Variants in ENPEP observed in about 807,000 individuals in gnomAD.
ENPEP encodes the protein glutamyl aminopeptidase.
In ENPEP, 103 loss-of-function variants were observed where a neutral mutation model predicts 114.5. That is an observed-to-expected ratio of 0.90 (90% CI 0.77 to 1.06). ENPEP has a LOEUF of 1.06. ENPEP is among the 50% of genes least tolerant of loss of function. ENPEP has a pLI of 0.00. For missense variants in ENPEP, 1,196 were observed against 1,161.3 expected (o/e 1.03, Z -0.43); for synonymous variants, 420 against 422.0 (o/e 1.00, Z 0.06).
intron 1 of ENPEP, among the ~76,000 whole-genome samples, chr4:110,480,958 C>T (rs370699080): frequency 1.3e-5 from 2 of 152,118 alleles, no homozygotes; most frequent in East Asian, 1.9e-4. Context: ...ATTTTCTCAC[C>T]GTGTTACGTA....
chr4:110,508,712 G>A (rs1217296520), intron 4 of ENPEP, among the ~76,000 whole-genome samples: 3 of 152,190 alleles, frequency 2.0e-5, no homozygotes, highest in East Asian at 1.9e-4. Flanking sequence ...TCAGGAGGCC[G>A]AGGCTGGAGA....
intron 3 of ENPEP, among the ~76,000 whole-genome samples, chr4:110,501,843 G>A (rs1395116124): frequency 1.3e-5 from 2 of 152,168 alleles, no homozygotes; most frequent in Non-Finnish European, 2.9e-5. Flanking sequence ...TTCTGCTTTA[G>A]TTCTTTGAGA....
chr4:110,551,370 G>A (rs1239041915), intron 17 of ENPEP, among the ~76,000 whole-genome samples: 1 of 152,078 alleles, frequency 6.6e-6, no homozygotes, highest in African/African-American at 2.4e-5. Flanking sequence ...CACAGAAAAA[G>A]ATTATTTTAG....
chr4:110,563,302 G>A lies in ENPEP; in HGVS notation c.*1744G>A, dbSNP rs959378540. ...TTAAAAGAAAAATGTTAGTTTAAGG[G>A]GGTGGTAAATAAAACAGATTTCAAC... On this transcript the variant is annotated 3_prime_UTR_variant, in exon 20 of 20. Transcript: ENST00000265162. 6.6e-6 allele frequency: 1 copy of A among 152,046 alleles called. No homozygotes were observed. The highest frequency in any genetic ancestry group is 2.1e-4 in the South Asian group (1 of 4,822). The allele number at this position is 152,046 out of a possible 1,614,324, so 9.4% of individuals were successfully genotyped here.
At chr4:110,530,442 G>A (rs1374339078) in intron 10 of ENPEP, among the ~76,000 whole-genome samples, 7 of 152,122 alleles carry the variant, frequency 4.6e-5, no homozygotes, top group Admixed American at 1.3e-4. Flanking sequence ...CCAATGGTAC[G>A]TAGATTCACC....
chr4:110,546,250 A>C (rs1384507608), intron 13 of ENPEP, among the ~76,000 whole-genome samples: 2 of 151,890 alleles, frequency 1.3e-5, no homozygotes, highest in East Asian at 3.9e-4. Context: ...CTTTCTTTGG[A>C]GCATTGGAGC....
At chr4:110,500,402 T>C (rs1010606522) in intron 3 of ENPEP, among the ~76,000 whole-genome samples, 2 of 152,198 alleles carry the variant, frequency 1.3e-5, no homozygotes, top group African/African-American at 4.8e-5. Flanking sequence ...GCTCCATAGA[T>C]TCAGTGCTTT....
chr4:110,550,826 A>G (rs1253738445), intron 17 of ENPEP, among the ~76,000 whole-genome samples: 1 of 152,124 alleles, frequency 6.6e-6, no homozygotes, highest in Non-Finnish European at 1.5e-5. Flanking sequence ...GTAAATTACA[A>G]TGCAATACCA....
intron 6 of ENPEP, among the ~76,000 whole-genome samples, chr4:110,510,607 C>G (rs1180106159): frequency 9.8e-6 from 1 of 102,174 alleles, no homozygotes; most frequent in East Asian, 3.2e-4. Context: ...ATTATCAAGG[C>G]AGGAAAAAAA....
At chr4:110,557,032 A>G (rs1347835989) in intron 18 of ENPEP, among the ~76,000 whole-genome samples, 2 of 152,200 alleles carry the variant, frequency 1.3e-5, no homozygotes, top group Non-Finnish European at 2.9e-5. Flanking sequence ...AAAAAAGTTC[A>G]GGTCTTAGGC....
At chr4:110,551,285 A>T (rs1434853424) in intron 17 of ENPEP, among the ~76,000 whole-genome samples, 1 of 152,082 alleles carries the variant, frequency 6.6e-6, no homozygotes, top group African/African-American at 2.4e-5. Flanking sequence ...CAATTTCTGG[A>T]AGTTCAATAG....
chr4:110,550,017 A>G, intron 17 of ENPEP, 131 bp downstream of exon 17: 2 of 893,858 alleles, frequency 2.2e-6, no homozygotes, highest in Non-Finnish European at 3.3e-6. Context: ...TTTCCCTGCA[A>G]GAAACAAAAT....
At chr4:110,548,138 A>AGTTTTTT (rs746051377) in intron 13 of ENPEP, 38 bp from the exon 14 acceptor site, 4 of 1,103,028 alleles carry the variant, frequency 3.6e-6, no homozygotes, top group Non-Finnish European at 4.5e-6. Context: ...ATTAACTGTG[A>AGTTTTTT]GTTTTTTTTT....
intron 7 of ENPEP, among the ~76,000 whole-genome samples, chr4:110,514,918 C>G (rs975135166): frequency 4.6e-5 from 7 of 152,054 alleles, no homozygotes; most frequent in Non-Finnish European, 8.8e-5. Context: ...AGCTATTTGA[C>G]CAGATAATTC....
At chr4:110,499,934 TA>T (rs1725089920) in intron 3 of ENPEP, 1 of 152,166 alleles carries the variant, frequency 6.6e-6, no homozygotes, top group Non-Finnish European at 1.5e-5. Context: ...GGAAAATGCT[TA>T]TCACATTCCT....
At chr4:110,480,497 T>G (rs1168482723) in intron 1 of ENPEP, among the ~76,000 whole-genome samples, 1 of 152,308 alleles carries the variant, frequency 6.6e-6, no homozygotes, top group South Asian at 2.1e-4. Flanking sequence ...GTCATCATAG[T>G]AATACATTTG....
chr4:110,502,604 G>C (rs1725204584), intron 3 of ENPEP, among the ~76,000 whole-genome samples: 1 of 151,952 alleles, frequency 6.6e-6, no homozygotes, highest in Admixed American at 6.6e-5. Flanking sequence ...ATTATTTCTG[G>C]GCTCTCTATT....
Position 110,562,935 on chromosome 4 carries a change from T to C in ENPEP, c.*1377T>C, listed in dbSNP as rs1156614311. The stretch of plus-strand genomic sequence containing the variant: ...TTTATACAATAATGTGCCCTAATCA[T>C]GTACTCTGAAACTTTATAAACTTTC... On this transcript the variant is annotated 3_prime_UTR_variant, in exon 20 of 20. Coordinates refer to ENST00000265162, the MANE Select transcript of ENPEP (RefSeq NM_001977.4). 6.6e-6 allele frequency: 1 copy of C among 152,178 alleles called. No homozygotes were observed. The highest frequency in any genetic ancestry group is 1.5e-5 in the Non-Finnish European group (1 of 68,010). The allele number at this position is 152,178 out of a possible 1,614,324, so 9.4% of individuals were successfully genotyped here.
Position 110,548,331 on chromosome 4 carries a change from C to A in ENPEP, c.2151+5C>A. On this transcript the variant is annotated splice_donor_5th_base_variant and intron_variant, in intron 14 of 19. Transcript: ENST00000265162. Reference sequence around the variant, plus strand: ...GAGCTATATCCTATGATTGAGGTGACGTTAATGCTATGGTATCTTATGAAA... The same window carrying A: ...GAGCTATATCCTATGATTGAGGTGAAGTTAATGCTATGGTATCTTATGAAA... 6.4e-7 allele frequency: 1 copy of A among 1,553,926 alleles called. No individual in the cohort carries two copies. The highest frequency in any genetic ancestry group is 8.7e-7 in the Non-Finnish European group (1 of 1,152,550).
Sources: gnomAD v4.1 joint callset for allele counts (sites outside exome capture counted in the v4.1 genomes callset) on GRCh38, gnomAD v4.1.1 for gene constraint, MANE v1.5 for transcripts, NCBI Gene and HGNC (gene_info 2026-07-23, HGNC 2026-07-21) for gene names.